MYH6: variants seen among roughly 807,000 people sequenced by gnomAD.
MYH6 encodes the protein myosin-6.
In MYH6, 126 loss-of-function variants were observed where a neutral mutation model predicts 223.2. The observed-to-expected ratio is 0.56, with a 90% CI of 0.49 to 0.65. MYH6 has a LOEUF of 0.65. Ranked by LOEUF, MYH6 falls within the 30% of genes least tolerant of loss-of-function variation. The probability of loss-of-function intolerance (pLI) is 0.00; values close to 1 mark genes in which losing one functional copy is unlikely to be tolerated. For synonymous variants in MYH6, 978 were observed against 1,010.2 expected (o/e 0.97, Z 0.61); for missense variants, 2,040 against 2,536.4 (o/e 0.80, Z 4.20).
intron 29 of MYH6, 132 bp downstream of exon 29, chr14:23,388,727 G>T: frequency 7.4e-7 from 1 of 1,350,374 alleles, no homozygotes; most frequent in Non-Finnish European, 1.1e-6. Context: ...TTTCTTCCAA[G>T]CACTTCTGTT....
chr14:23,382,822 G>T (rs17091268), intron 37 of MYH6, among the ~76,000 whole-genome samples: 6,825 of 152,164 alleles, frequency 0.045, 473 homozygotes, highest in African/African-American at 0.15. Flanking sequence ...ATCCTGTTTT[G>T]CTGCACCTGT....
intron 36 of MYH6, 35 bp from the exon 37 acceptor site, chr14:23,383,355 G>T: frequency 6.8e-7 from 1 of 1,477,170 alleles, no homozygotes. Flanking sequence ...CTGGTTTGGA[G>T]GGGGAGCAAA....
chr14:23,403,809 T>TG lies in MYH6; in HGVS notation c.736-32dup, dbSNP rs771474665. On this transcript the variant is annotated intron_variant, in intron 8 of 38. Coordinates refer to ENST00000405093, the MANE Select transcript of MYH6 (RefSeq NM_002471.4). Reference sequence around the variant, plus strand: ...GACGAATGGGACAGAGTGAGGGAACTGGCGGGAAGGACAGAGTGAAATCCT... The same window carrying TG: ...GACGAATGGGACAGAGTGAGGGAACTGGGCGGGAAGGACAGAGTGAAATCCT... 1.2e-5 allele frequency: 19 copies of TG among 1,580,618 alleles called. No homozygotes were observed. In the Middle Eastern group the frequency reaches 5.0e-4, roughly 41 times the overall value.
At chr14:23,389,778 G>C in intron 26 of MYH6, 59 bp from the exon 27 acceptor site, 1 of 1,613,642 alleles carries the variant, frequency 6.2e-7, no homozygotes, top group Non-Finnish European at 8.5e-7. Flanking sequence ...CCAGAGGAAG[G>C]AAGAGAGGGT....
rs539827027 is a variant in MYH6 at position 23,382,465 on chromosome 14, T to C, written c.5759A>G (p.Asn1920Ser). Residue 1920 changes from asparagine to serine, a missense_variant, in exon 38 of 39, where the codon AAC becomes AGC. This residue lies in a region of MYH6 where 1,203 missense variants were observed against 1,400.2 expected (regional missense o/e 0.86). Transcript: ENST00000405093. Reference protein sequence around the residue: ...ERADIAESQVNKLRAKSRDIG... With the variant: ...ERADIAESQVSKLRAKSRDIG... ...GTCACGGCTCTTGGCTCGAAGCTTG[T>C]TGACCTGGGACTCAGCGATGTCCGC... 2 of 1,614,148 alleles carry C rather than the reference T, an allele frequency of 1.2e-6. No individual in the cohort carries two copies. The highest frequency in any genetic ancestry group is 2.2e-5 in the East Asian group (1 of 44,870).
intron 29 of MYH6, 112 bp from the exon 30 acceptor site, chr14:23,388,450 A>T: frequency 6.6e-7 from 1 of 1,521,708 alleles, no homozygotes; most frequent in Non-Finnish European, 9.0e-7. Flanking sequence ...CCGTAAGTCC[A>T]GCCTAGCAGG....
chr14:23,396,242 T>G lies in MYH6; in HGVS notation c.2429+42A>C, dbSNP rs1177977907. On this transcript the variant is annotated intron_variant, in intron 20 of 38. Coordinates refer to ENST00000405093, the MANE Select transcript of MYH6 (RefSeq NM_002471.4). ...CACTAGTTGACATTGCGGATCTGCC[T>G]CTACATCTCTAGTGCATGCCTCCCT... 2.5e-6 allele frequency: 4 copies of G among 1,613,502 alleles called. No individual in the cohort carries two copies. The African/African-American group carries it at 5.3e-5, about 22-fold the overall frequency.
At position 23,405,404 on chromosome 14, in the gene MYH6, A is replaced by G; in HGVS notation, c.346-25T>C. On this transcript the variant is annotated intron_variant, in intron 4 of 38. Transcript: ENST00000405093. The surrounding 1 kb of genome is among the most constrained non-coding windows in gnomAD (Gnocchi z 4.7). ...TCTGGAGCAGGAGACAAGGCTGGGCATGAGGTTGGTGGGGAGAGCCTGGGA... is the reference window on the plus strand; with the variant it reads ...TCTGGAGCAGGAGACAAGGCTGGGCGTGAGGTTGGTGGGGAGAGCCTGGGA... 1 of 1,614,052 alleles carries G rather than the reference A, an allele frequency of 6.2e-7. No individual in the cohort carries two copies. Among genetic ancestry groups the G allele is most frequent in the Non-Finnish European group, 8.5e-7 (1 of 1,179,920 alleles).
At chr14:23,389,133 C>G in intron 28 of MYH6, 78 bp from the exon 29 acceptor site, 4 of 1,475,882 alleles carry the variant, frequency 2.7e-6, no homozygotes, top group Non-Finnish European at 3.6e-6. Context: ...TTATGTAGTA[C>G]TTCAACCAAG....
At chr14:23,386,176 C>G (rs747862441) in intron 33 of MYH6, 45 bp from the exon 34 acceptor site, 1 of 1,613,566 alleles carries the variant, frequency 6.2e-7, no homozygotes, top group South Asian at 1.1e-5. Context: ...AGCCTCGGTG[C>G]CCTTCACTGA....
At chr14:23,393,578 G>T in intron 22 of MYH6, 60 bp from the exon 23 acceptor site, 1 of 1,613,902 alleles carries the variant, frequency 6.2e-7, no homozygotes, top group Non-Finnish European at 8.5e-7. Flanking sequence ...AGACATCTAT[G>T]GGGACCTCCA....
At chr14:23,397,326 C>T (rs1891429413) in intron 16 of MYH6, 69 bp from the exon 17 acceptor site, 43 of 1,449,226 alleles carry the variant, frequency 3.0e-5, no homozygotes, top group Non-Finnish European at 4.2e-5. Flanking sequence ...AACCCTGGTC[C>T]CCAGACACTC....
In MYH6 at chr14:23,405,057, C is replaced by G. The variant is rs1171638340; in HGVS notation, c.530+43G>C. The G allele has an allele frequency of 6.2e-7, 1 of 1,613,912 alleles. No homozygotes were observed. Among genetic ancestry groups the G allele is most frequent in the African/African-American group, 1.3e-5 (1 of 75,040 alleles). ...TACACCCTAGGCATCAGCGTGTATG[C>G]CCCCAGCCCAGTCCCTTCTGTGGGA... On this transcript the variant is annotated intron_variant, in intron 6 of 38. Transcript: ENST00000405093. The surrounding 1 kb of genome is among the most constrained non-coding windows in gnomAD (Gnocchi z 4.7).
chr14:23,392,204 A>G (rs1595055140), intron 25 of MYH6, among the ~76,000 whole-genome samples: 5 of 147,872 alleles, frequency 3.4e-5, no homozygotes, highest in Admixed American at 3.4e-4. Flanking sequence ...TGCTCCTTGA[A>G]GCCTTTTTTT....
intron 3 of MYH6, among the ~76,000 whole-genome samples, chr14:23,406,403 A>G (rs193050697): frequency 1.3e-5 from 2 of 152,190 alleles, no homozygotes; most frequent in South Asian, 4.1e-4. Flanking sequence ...CTGGGATCAG[A>G]GTCAAAAGCC....
chr14:23,405,979 C>A lies in MYH6; in HGVS notation c.202-209G>T, dbSNP rs1405912562. Reference sequence around the variant, plus strand: ...TTGTATCTCCCATCCTAGAGACTGTCCTAGGGTACCTTTCTCTTGCCAGAT... The same window carrying A: ...TTGTATCTCCCATCCTAGAGACTGTACTAGGGTACCTTTCTCTTGCCAGAT... On this transcript the variant is annotated intron_variant, in intron 3 of 38. Transcript: ENST00000405093. The surrounding 1 kb of genome is among the most constrained non-coding windows in gnomAD (Gnocchi z 4.7). Among the ~76,000 whole-genome samples the A allele has an allele frequency of 6.6e-6, 1 of 152,020 alleles. No individual in the cohort carries two copies. The highest frequency in any genetic ancestry group is 1.9e-4 in the East Asian group (1 of 5,174).
At chr14:23,396,890 C>G in intron 18 of MYH6, 73 bp from the exon 19 acceptor site, 2 of 1,612,660 alleles carry the variant, frequency 1.2e-6, no homozygotes, top group South Asian at 1.1e-5. Flanking sequence ...CCAGGGTCAC[C>G]TGCAGATCCC....
Position 23,384,475 on chromosome 14 carries a change from C to G in MYH6, c.5532G>C (p.Lys1844Asn). ...TGAGCTCCTTGATGCGCCGCTCGCTCTTCCTCATGCCCTTCACCGACTCTG... is the reference window on the plus strand; with the variant it reads ...TGAGCTCCTTGATGCGCCGCTCGCTGTTCCTCATGCCCTTCACCGACTCTG... The part of the protein sequence containing the change: ...RNAESVKGMR[K>N]SERRIKELTY... Residue 1844 changes from lysine to asparagine, a missense_variant, in exon 36 of 39, where the codon AAG becomes AAC. Coordinates refer to ENST00000405093, the MANE Select transcript of MYH6 (RefSeq NM_002471.4). 2 of 1,612,498 alleles carry G rather than the reference C, an allele frequency of 1.2e-6. No individual in the cohort carries two copies. Among genetic ancestry groups the G allele is most frequent in the Non-Finnish European group, 1.7e-6 (2 of 1,180,048 alleles).
Position 23,392,580 on chromosome 14 carries a change from C to A in MYH6, c.3324G>T (p.Lys1108Asn), listed in dbSNP as rs727505164. Reference protein sequence around the residue: ...DEQVLALQLQKKLKENQARIE... With the variant: ...DEQVLALQLQNKLKENQARIE... ...AAGTCACCTGGTTTTCCTTCAGTTTCTTCTGTAGTTGAAGGGCCAGCACCT... is the reference window on the plus strand; with the variant it reads ...AAGTCACCTGGTTTTCCTTCAGTTTATTCTGTAGTTGAAGGGCCAGCACCT... Residue 1108 changes from lysine to asparagine, a missense_variant, in exon 25 of 39, where the codon AAG becomes AAT. By Grantham distance (94) the Lys-to-Asn change is moderately conservative. Transcript: ENST00000405093. The A allele has an allele frequency of 6.4e-7, 1 of 1,573,008 alleles. No homozygotes were observed. The highest frequency in any genetic ancestry group is 1.4e-5 in the African/African-American group (1 of 71,316).
Sources: gnomAD v4.1 joint callset for allele counts (sites outside exome capture counted in the v4.1 genomes callset) on GRCh38, gnomAD v4.1.1 for gene constraint, gnomAD v4.1.1 regional missense constraint, Gnocchi (gnomAD v3.1) non-coding constraint, MANE v1.5 for transcripts, NCBI Gene and HGNC (gene_info 2026-07-23, HGNC 2026-07-21) for gene names.